The following SMARCD3 variants were observed in gnomAD, a reference collection of about 807,000 sequenced individuals.
SMARCD3 encodes SWI/SNF-related matrix-associated actin-dependent regulator of chromatin subfamily D member 3.
Under a neutral mutation model 58.0 loss-of-function variants are expected in SMARCD3, and 14 were observed. The ratio of observed to expected loss-of-function variants is 0.24; its 90% CI spans 0.16 to 0.38. SMARCD3 has a LOEUF of 0.38. SMARCD3 is among the 10% of genes least tolerant of loss of function. SMARCD3 has a pLI of 1.00. For missense variants in SMARCD3, 408 were observed against 636.9 expected (o/e 0.64, Z 3.87); for synonymous variants, 253 against 253.8 (o/e 1.00, Z 0.03).
intron 2 of SMARCD3, among the ~76,000 whole-genome samples, chr7:151,259,713 G>A (rs554568742): frequency 1.1e-3 from 151 of 143,686 alleles, no homozygotes; most frequent in African/African-American, 3.2e-3. Context: ...GGATTCAAGC[G>A]ATCCTCCTGC....
chr7:151,262,547 G>A (rs1348198329), intron 2 of SMARCD3, among the ~76,000 whole-genome samples: 1 of 152,210 alleles, frequency 6.6e-6, no homozygotes, highest in African/African-American at 2.4e-5. Flanking sequence ...CCTCTTTTGG[G>A]GCAGCTCCTG....
intron 2 of SMARCD3, among the ~76,000 whole-genome samples, chr7:151,258,118 C>T (rs1447715934): frequency 6.6e-6 from 1 of 152,144 alleles, no homozygotes; most frequent in African/African-American, 2.4e-5. Context: ...TACATCCACT[C>T]TGAAGGCACA....
intron 1 of SMARCD3, among the ~76,000 whole-genome samples, chr7:151,247,718 CCT>C (rs1280080291): frequency 2.7e-5 from 4 of 145,924 alleles, no homozygotes; most frequent in Non-Finnish European, 4.5e-5. Context: ...CCAGCCGGGC[CCT>C]ACTGACTCAG....
At chr7:151,271,136 T>C (rs1460690154) in intron 2 of SMARCD3, among the ~76,000 whole-genome samples, 1 of 152,030 alleles carries the variant, frequency 6.6e-6, no homozygotes, top group African/African-American at 2.4e-5. Flanking sequence ...CCTGGCCCTC[T>C]CCCCACCCTT....
chr7:151,274,217 C>T (rs931905442), intron 2 of SMARCD3, among the ~76,000 whole-genome samples: 1 of 152,236 alleles, frequency 6.6e-6, no homozygotes, highest in African/African-American at 2.4e-5. Context: ...CCAGTACCCA[C>T]CCTGTTGCCA....
chr7:151,251,635 CG>C (rs1803513798), upstream of SMARCD3, among the ~76,000 whole-genome samples: 1 of 152,020 alleles, frequency 6.6e-6, no homozygotes, highest in South Asian at 2.1e-4. Flanking sequence ...GAAGGAGGCC[CG>C]GGAAGAGCGT....
upstream of SMARCD3, chr7:151,248,736 C>T: frequency 8.5e-7 from 1 of 1,182,316 alleles, no homozygotes; most frequent in Non-Finnish European, 1.0e-6. The surrounding 1 kb of genome is among the most constrained non-coding windows in gnomAD (Gnocchi z 6.1). Context: ...GGCCCACGGC[C>T]CACGCCGCCG....
intron 2 of SMARCD3, among the ~76,000 whole-genome samples, chr7:151,269,385 C>G (rs1795090703): frequency 6.6e-6 from 1 of 152,228 alleles, no homozygotes; most frequent in South Asian, 2.1e-4. Context: ...TGCCGGCCCA[C>G]CCTGAGCCAT....
intron 2 of SMARCD3, among the ~76,000 whole-genome samples, chr7:151,273,424 C>T (rs1215225083): frequency 1.3e-5 from 2 of 152,230 alleles, no homozygotes; most frequent in Admixed American, 1.3e-4. Context: ...GAGGACTCTC[C>T]ACGTGGGGGA....
intron 2 of SMARCD3, among the ~76,000 whole-genome samples, chr7:151,261,177 C>T (rs976956007): frequency 2.0e-5 from 3 of 152,212 alleles, no homozygotes; most frequent in African/African-American, 7.2e-5. Flanking sequence ...GTGATGGCTC[C>T]TAGCCTGGAT....
At chr7:151,251,023 T>C (rs1348122203), upstream of SMARCD3, among the ~76,000 whole-genome samples, 1 of 152,166 alleles carries the variant, frequency 6.6e-6, no homozygotes, top group Non-Finnish European at 1.5e-5. Flanking sequence ...TAAAGCTCAG[T>C]GTTCTCAACT....
upstream of SMARCD3, among the ~76,000 whole-genome samples, chr7:151,251,907 T>C (rs992624655): frequency 5.5e-5 from 8 of 144,784 alleles, no homozygotes; most frequent in Non-Finnish European, 1.2e-4. Context: ...GCCGGGGAGC[T>C]GGGGGGGCTC....
intron 2 of SMARCD3, among the ~76,000 whole-genome samples, chr7:151,255,526 C>T (rs575741235): frequency 1.3e-5 from 2 of 152,334 alleles, no homozygotes; most frequent in East Asian, 3.9e-4. Context: ...CTGCTGCATG[C>T]TCTTCCAGAC....
chr7:151,275,902 G>C (rs974249767), intron 1 of SMARCD3, among the ~76,000 whole-genome samples: 1 of 152,136 alleles, frequency 6.6e-6, no homozygotes, highest in Non-Finnish European at 1.5e-5. Context: ...TGTAGGAGCG[G>C]GGTGTGGGTG....
chr7:151,248,465 G>T lies in SMARCD3; in HGVS notation c.78+20C>A, dbSNP rs1186947508. 6.3e-6 allele frequency: 10 copies of T among 1,586,810 alleles called. No homozygotes were observed. The highest frequency in any genetic ancestry group is 8.6e-6 in the Non-Finnish European group (10 of 1,159,474). ...CGAGCCAGCTCGCTTGCCCTCCCCC[G>T]CTAACTTTCCCCCACTCACCACCCC... On this transcript the variant is annotated intron_variant, in intron 1 of 12. Transcript: ENST00000262188. The surrounding 1 kb of genome is among the most constrained non-coding windows in gnomAD (Gnocchi z 6.1).
intron 2 of SMARCD3, among the ~76,000 whole-genome samples, chr7:151,268,917 A>G (rs1293674242): frequency 6.6e-6 from 1 of 152,152 alleles, no homozygotes; most frequent in African/African-American, 2.4e-5. Flanking sequence ...AATTCTTGAA[A>G]TAGTTCTCAA....
chr7:151,250,473 G>A (rs1043891235), upstream of SMARCD3, among the ~76,000 whole-genome samples: 56 of 151,672 alleles, frequency 3.7e-4, no homozygotes, highest in African/African-American at 9.2e-4. Context: ...CAGAATCCCC[G>A]CTCACTCCCA....
intron 2 of SMARCD3, among the ~76,000 whole-genome samples, chr7:151,257,061 C>T (rs1231792342): frequency 1.3e-5 from 2 of 152,120 alleles, no homozygotes; most frequent in African/African-American, 4.8e-5. Context: ...TTTTTTATTA[C>T]TTTTTAAAAA....
Position 151,242,645 on chromosome 7 carries a change from C to T in SMARCD3, c.457-42G>A. On this transcript the variant is annotated intron_variant, in intron 4 of 12. Coordinates refer to ENST00000262188, the MANE Select transcript of SMARCD3 (RefSeq NM_001003801.2). This position sits in a 1 kb window ranked among gnomAD's most constrained non-coding sequence, Gnocchi z 4.7. ...CAGAACCGGGCGAATGCTGTGTGCTCCCACCCCGACCACCCTGCTTCCCCA... is the reference window on the plus strand; with the variant it reads ...CAGAACCGGGCGAATGCTGTGTGCTTCCACCCCGACCACCCTGCTTCCCCA... The T allele has an allele frequency of 1.2e-6, 2 of 1,612,202 alleles. No individual in the cohort carries two copies. The highest frequency in any genetic ancestry group is 1.7e-6 in the Non-Finnish European group (2 of 1,178,392).
Sources: allele counts gnomAD v4.1 joint callset (sites outside exome capture counted in the v4.1 genomes callset), GRCh38; gene constraint gnomAD v4.1.1; non-coding constraint Gnocchi (gnomAD v3.1); transcripts MANE v1.5; gene names NCBI Gene and HGNC (gene_info 2026-07-23, HGNC 2026-07-21).